Variants in PTPRN2 observed in about 807,000 individuals in gnomAD.
The protein encoded by PTPRN2 is protein tyrosine phosphatase receptor type N2.
In PTPRN2, 74 loss-of-function variants were observed where a neutral mutation model predicts 118.8. That is an observed-to-expected ratio of 0.62 (90% CI 0.52 to 0.76). The LOEUF is 0.76. Ranked by LOEUF, PTPRN2 falls within the 30% of genes least tolerant of loss-of-function variation. The pLI, the probability that PTPRN2 is intolerant of heterozygous loss-of-function variation, is 0.00. For missense variants in PTPRN2, 1,481 were observed against 1,394.4 expected (o/e 1.06, Z -0.99); for synonymous variants, 641 against 608.0 (o/e 1.05, Z -0.80).
At position 157,599,775 on chromosome 7, in the gene PTPRN2, C is replaced by T. The variant is rs920736218; in HGVS notation, c.2418+4227G>A. ...GCTTTGGGGAAGGGCATGGGTGTCA[C>T]GTCTTTACTCTGAAATCTTGCACAG... On this transcript the variant is annotated intron_variant, in intron 16 of 22. Transcript: ENST00000389418. Among the ~76,000 whole-genome samples the T allele has an allele frequency of 1.1e-4, 17 of 152,324 alleles. No homozygotes were observed. The East Asian group carries it at 1.5e-3, about 14-fold the overall frequency.
chr7:158,016,993 T>C (rs73745082), intron 11 of PTPRN2, among the ~76,000 whole-genome samples: 128 of 152,286 alleles, frequency 8.4e-4, no homozygotes, highest in African/African-American at 3.0e-3. Context: ...AAGGAAAACA[T>C]TGCGTTTGGT....
In PTPRN2 at chr7:157,610,695, C is replaced by T. The variant is rs1437872803; in HGVS notation, c.2345-6620G>A. ...TGATCGGACCACGTTTGTTTCAATACTCTGAGAAGCTACATGGGCTTGATT... is the reference window on the plus strand; with the variant it reads ...TGATCGGACCACGTTTGTTTCAATATTCTGAGAAGCTACATGGGCTTGATT... On this transcript the variant is annotated intron_variant, in intron 15 of 22. Coordinates refer to ENST00000389418, the MANE Select transcript of PTPRN2 (RefSeq NM_002847.5). This position sits in a 1 kb window ranked among gnomAD's most constrained non-coding sequence, Gnocchi z 5.1. Among the ~76,000 whole-genome samples the T allele has an allele frequency of 1.3e-5, 2 of 152,212 alleles. No homozygotes were observed. Among genetic ancestry groups the T allele is most frequent in the Non-Finnish European group, 2.9e-5 (2 of 68,048 alleles).
chr7:158,134,613 G>A (rs776921561), intron 8 of PTPRN2, among the ~76,000 whole-genome samples: 5 of 152,066 alleles, frequency 3.3e-5, no homozygotes, highest in South Asian at 2.1e-4. Flanking sequence ...GGCACAAAGC[G>A]ATTAACCCAC....
chr7:158,149,158 G>T (rs74602423), intron 6 of PTPRN2, among the ~76,000 whole-genome samples: 9 of 31,368 alleles, frequency 2.9e-4, no homozygotes, highest in African/African-American at 6.3e-4. Context: ...TTCCCCCTCA[G>T]TGACACCCCA....
At chr7:158,188,197 G>T (rs1184908744) in intron 5 of PTPRN2, among the ~76,000 whole-genome samples, 1 of 125,722 alleles carries the variant, frequency 8.0e-6, no homozygotes, top group Non-Finnish European at 1.7e-5. Flanking sequence ...GATGGGGAAG[G>T]CCGCCACGCT....
chr7:158,203,002 G>T, intron 4 of PTPRN2, among the ~76,000 whole-genome samples: 1 of 152,078 alleles, frequency 6.6e-6, no homozygotes, highest in East Asian at 1.9e-4. Flanking sequence ...GGGAGGCCAA[G>T]GTGGGCGGAT....
intron 11 of PTPRN2, among the ~76,000 whole-genome samples, chr7:157,901,132 C>A (rs1259482718): frequency 1.3e-5 from 2 of 152,156 alleles, no homozygotes; most frequent in Non-Finnish European, 2.9e-5. Flanking sequence ...GGAGGGAGGG[C>A]CAGGCTCTTG....
chr7:158,237,824 CCT>C (rs1054253314), intron 3 of PTPRN2, among the ~76,000 whole-genome samples: 2 of 152,184 alleles, frequency 1.3e-5, no homozygotes, highest in African/African-American at 2.4e-5. Flanking sequence ...TCCTGCTCCC[CCT>C]CTTTCTGAAC....
At chr7:158,244,302 A>G (rs1429628021) in intron 3 of PTPRN2, among the ~76,000 whole-genome samples, 1 of 152,244 alleles carries the variant, frequency 6.6e-6, no homozygotes, top group Non-Finnish European at 1.5e-5. Context: ...AGAAGTTGGA[A>G]ACGCAAATTA....
At chr7:158,193,544 G>A (rs1485980682) in intron 4 of PTPRN2, among the ~76,000 whole-genome samples, 1 of 152,110 alleles carries the variant, frequency 6.6e-6, no homozygotes, top group Non-Finnish European at 1.5e-5. Context: ...GATGTCCGTG[G>A]CCCCCTGAGC....
chr7:158,524,266 G>A (rs112130899), intron 1 of PTPRN2, among the ~76,000 whole-genome samples: 2,475 of 52,248 alleles, frequency 0.047, 161 homozygotes, highest in South Asian at 0.07. Flanking sequence ...GCCCTGGAGC[G>A]GAGTCTGCCC....
At chr7:158,375,035 G>T (rs1211684885) in intron 2 of PTPRN2, among the ~76,000 whole-genome samples, 1 of 152,224 alleles carries the variant, frequency 6.6e-6, no homozygotes, top group Non-Finnish European at 1.5e-5. Context: ...CAGAGGAAAA[G>T]ATAGATGAGA....
intron 12 of PTPRN2, among the ~76,000 whole-genome samples, chr7:157,722,730 C>T (rs762417091): frequency 2.0e-5 from 3 of 152,120 alleles, no homozygotes; most frequent in African/African-American, 4.8e-5. Flanking sequence ...CTCCCCACAC[C>T]TGGGAGAGCA....
intron 2 of PTPRN2, among the ~76,000 whole-genome samples, chr7:158,318,704 G>A (rs542797285): frequency 3.2e-4 from 49 of 152,354 alleles, no homozygotes; most frequent in African/African-American, 9.4e-4. Flanking sequence ...TGACGGTGCC[G>A]GCTGCCTGCA....
intron 14 of PTPRN2, 70 bp downstream of exon 14, chr7:157,656,287 G>A (rs1806080655): frequency 7.0e-7 from 1 of 1,430,100 alleles, no homozygotes; most frequent in Non-Finnish European, 9.5e-7. Flanking sequence ...CGCAGATGCT[G>A]GGTGTTGCAG....
At chr7:158,355,983 G>A (rs1275636796) in intron 2 of PTPRN2, among the ~76,000 whole-genome samples, 1 of 152,154 alleles carries the variant, frequency 6.6e-6, no homozygotes, top group Non-Finnish European at 1.5e-5. Context: ...GCCGTCATGG[G>A]CCCACAGTGA....
intron 19 of PTPRN2, among the ~76,000 whole-genome samples, chr7:157,571,785 C>G (rs989770284): frequency 1.3e-5 from 2 of 152,200 alleles, no homozygotes; most frequent in African/African-American, 4.8e-5. Context: ...CCTGCCCGTC[C>G]CACCCCTGCA....
chr7:157,837,690 C>T (rs1476657110), intron 12 of PTPRN2, among the ~76,000 whole-genome samples: 1 of 152,170 alleles, frequency 6.6e-6, no homozygotes, highest in Non-Finnish European at 1.5e-5. Context: ...GGCTCACATC[C>T]TCCATGACCC....
intron 11 of PTPRN2, among the ~76,000 whole-genome samples, chr7:158,079,883 C>A (rs993584996): frequency 6.6e-6 from 1 of 152,132 alleles, no homozygotes; most frequent in Non-Finnish European, 1.5e-5. Flanking sequence ...GCTGCTTTTC[C>A]GAGTTGTACC....
Sources: gnomAD v4.1 joint callset for allele counts (sites outside exome capture counted in the v4.1 genomes callset) on GRCh38, gnomAD v4.1.1 for gene constraint, Gnocchi (gnomAD v3.1) non-coding constraint, MANE v1.5 for transcripts, NCBI Gene and HGNC (gene_info 2026-07-23, HGNC 2026-07-21) for gene names.